Variants in MYO16 observed in about 807,000 individuals in gnomAD.
The protein encoded by MYO16 is unconventional myosin-XVI.
A neutral mutation model predicts 205.3 loss-of-function variants in MYO16; 94 were observed. The ratio of observed to expected loss-of-function variants is 0.46; its 90% CI spans 0.39 to 0.54. The LOEUF is 0.54. MYO16 is among the 20% of genes least tolerant of loss of function. The pLI is 0.00. For missense variants in MYO16, 2,315 were observed against 2,387.5 expected, an observed-to-expected ratio of 0.97 and a Z score of 0.63; for synonymous variants, 988 against 954.0, an observed-to-expected ratio of 1.04 and a Z score of -0.66.
rs556313455 is a variant in MYO16, at chr13:108,659,484, C to G, written c.29-6402C>G. On this transcript the variant is annotated intron_variant, in intron 1 of 34. Coordinates refer to ENST00000457511, the MANE Select transcript of MYO16 (RefSeq NM_001198950.3). ...CTTTTATCTGGAATTGCAGGATAAC[C>G]ATATATGTAGAATCCCTGCCACCTC... The G allele has an allele frequency of 4.0e-5, 10 of 248,668 alleles. 1 individual carries two copies. The South Asian group carries it at 4.1e-4, about 10-fold the overall frequency. 15.4% of individuals were successfully genotyped at this position (248,668 alleles called of 1,614,324 possible).
chr13:109,198,677 C>CT (rs1880262819), intron 34 of MYO16, among the ~76,000 whole-genome samples: 1 of 152,160 alleles, frequency 6.6e-6, no homozygotes, highest in South Asian at 2.1e-4. Flanking sequence ...AGTCAAGGAG[C>CT]TAACCATGGT....
chr13:108,726,088 A>G (rs1046122872), intron 3 of MYO16, among the ~76,000 whole-genome samples: 14 of 152,180 alleles, frequency 9.2e-5, no homozygotes, highest in African/African-American at 3.4e-4. Flanking sequence ...CAGTGCTTCC[A>G]GTGGGATATT....
At chr13:108,645,208 C>T (rs774655109) in intron 1 of MYO16, among the ~76,000 whole-genome samples, 2 of 152,134 alleles carry the variant, frequency 1.3e-5, no homozygotes, top group African/African-American at 2.4e-5. Flanking sequence ...GGAGTTAAAA[C>T]CAAACTTACA....
chr13:108,657,377 AGAG>A (rs754491706), intron 1 of MYO16, among the ~76,000 whole-genome samples: 11 of 152,318 alleles, frequency 7.2e-5, no homozygotes, highest in Middle Eastern at 3.4e-3. Context: ...CTCCAAAAAT[AGAG>A]GAGAAGTTAT....
intron 16 of MYO16, among the ~76,000 whole-genome samples, chr13:108,950,876 T>G (rs1331725941): frequency 2.0e-5 from 3 of 152,172 alleles, no homozygotes; most frequent in Non-Finnish European, 4.4e-5. Context: ...GTGGAACAGT[T>G]TAGCCGTACA....
chr13:108,564,854 C>G, the MYO16 span, among the ~76,000 whole-genome samples: 1 of 152,018 alleles, frequency 6.6e-6, no homozygotes, highest in Non-Finnish European at 1.5e-5. Context: ...GGTCAAGTTT[C>G]ATTCTTCATT....
At chr13:108,911,195 T>G (rs1180320169) in intron 16 of MYO16, among the ~76,000 whole-genome samples, 1 of 147,962 alleles carries the variant, frequency 6.8e-6, no homozygotes, top group Non-Finnish European at 1.5e-5. Flanking sequence ...AGTACACACA[T>G]AGGCTGCTTT....
intron 4 of MYO16, among the ~76,000 whole-genome samples, chr13:108,769,836 G>GGCA (rs962996964): frequency 6.6e-6 from 1 of 152,074 alleles, no homozygotes; most frequent in Non-Finnish European, 1.5e-5. Flanking sequence ...TCAGTGAGGC[G>GGCA]GAGGCACTGA....
At chr13:108,580,223 T>G in the MYO16 span, among the ~76,000 whole-genome samples, 1 of 152,230 alleles carries the variant, frequency 6.6e-6, no homozygotes, top group South Asian at 2.1e-4. Context: ...CTATACAGCA[T>G]CTACAGATTA....
At chr13:109,035,564 A>G (rs1886690459) in intron 23 of MYO16, among the ~76,000 whole-genome samples, 1 of 152,180 alleles carries the variant, frequency 6.6e-6, no homozygotes, top group African/African-American at 2.4e-5. Context: ...TATGCCTGCA[A>G]TCCCAGCTAC....
rs115966721 is a variant in MYO16, at chr13:108,853,209, G to A, written c.1249-2234G>A. ...CGGTGCCTATGAGACTCCGCAAAGT[G>A]GAACTCAGTGTATAATGTGAAAAAG... is the stretch of plus-strand genomic sequence containing the variant. On this transcript the variant is annotated intron_variant, in intron 10 of 34. Transcript: ENST00000457511. 2.9e-3 allele frequency among the ~76,000 whole-genome samples: 438 copies of A among 152,302 alleles called. 1 individual carries two copies. Among genetic ancestry groups the A allele is most frequent in the African/African-American group, 0.01 (420 of 41,566 alleles).
intron 20 of MYO16, among the ~76,000 whole-genome samples, chr13:108,975,466 G>A (rs1884219989): frequency 6.6e-6 from 1 of 152,178 alleles, no homozygotes; most frequent in Non-Finnish European, 1.5e-5. Context: ...TAGTTTGCAA[G>A]TAATTGAGGT....
intron 2 of MYO16, among the ~76,000 whole-genome samples, chr13:108,699,841 G>T (rs2139515807): frequency 6.6e-6 from 1 of 152,118 alleles, no homozygotes; most frequent in Non-Finnish European, 1.5e-5. Context: ...TCTAATGTTA[G>T]CTAATTTCTT....
intron 9 of MYO16, among the ~76,000 whole-genome samples, chr13:108,823,726 C>T (rs1308325304): frequency 5.3e-5 from 8 of 151,964 alleles, no homozygotes; most frequent in African/African-American, 1.5e-4. Context: ...AATGGATTGA[C>T]ATCATTTTCA....
At chr13:109,122,847 TC>T (rs1876057498) in intron 29 of MYO16, among the ~76,000 whole-genome samples, 4 of 152,312 alleles carry the variant, frequency 2.6e-5, no homozygotes, top group African/African-American at 7.2e-5. Context: ...TTAAAACAGT[TC>T]CCTCAATGCT....
At chr13:108,744,913 T>G (rs965975618) in intron 4 of MYO16, among the ~76,000 whole-genome samples, 4 of 152,212 alleles carry the variant, frequency 2.6e-5, no homozygotes, top group African/African-American at 9.6e-5. Flanking sequence ...CTAGAATCTA[T>G]AGTGGAAAAT....
intron 9 of MYO16, 44 bp from the exon 10 acceptor site, chr13:108,844,299 C>T (rs778387274): frequency 6.5e-7 from 1 of 1,543,110 alleles, no homozygotes; most frequent in South Asian, 1.2e-5. Flanking sequence ...ATTGATAAAA[C>T]ATTAGAAAGA....
intron 11 of MYO16, among the ~76,000 whole-genome samples, chr13:108,855,947 C>A (rs986176317): frequency 6.6e-6 from 1 of 152,198 alleles, no homozygotes; most frequent in African/African-American, 2.4e-5. Context: ...CATACATTGA[C>A]TATGCAGGTA....
At chr13:108,801,632 G>A (rs1886971493) in intron 6 of MYO16, among the ~76,000 whole-genome samples, 1 of 152,186 alleles carries the variant, frequency 6.6e-6, no homozygotes, top group Non-Finnish European at 1.5e-5. Flanking sequence ...ATAGCACCAT[G>A]ATGAAGAGGC....
Sources: gnomAD v4.1 joint callset for allele counts (sites outside exome capture counted in the v4.1 genomes callset) on GRCh38, gnomAD v4.1.1 for gene constraint, MANE v1.5 for transcripts, NCBI Gene and HGNC (gene_info 2026-07-23, HGNC 2026-07-21) for gene names.